Variants in SOX5 observed in about 807,000 individuals in gnomAD.
The protein encoded by SOX5 is transcription factor SOX-5.
In SOX5, 9 loss-of-function variants were observed where a neutral mutation model predicts 92.0. That is an observed-to-expected ratio of 0.10 (90% CI 0.06 to 0.17). The LOEUF is 0.17. Among genes scored for constraint, SOX5 ranks in the 10% least tolerant of loss-of-function variants. The pLI, the probability that SOX5 is intolerant of heterozygous loss-of-function variation, is 1.00. For synonymous variants in SOX5, 344 were observed against 336.3 expected, an observed-to-expected ratio of 1.02 and a Z score of -0.25; for missense variants, 642 against 944.5, an observed-to-expected ratio of 0.68 and a Z score of 4.20.
intron 2 of SOX5, among the ~76,000 whole-genome samples, chr12:23,856,089 C>G (rs1274705604): frequency 2.6e-5 from 4 of 152,094 alleles, no homozygotes; most frequent in Admixed American, 2.6e-4. Context: ...TCCACAGACT[C>G]TTACAAAATT....
chr12:23,978,273 T>C (rs977508568), intron 4 of SOX5, among the ~76,000 whole-genome samples: 1 of 152,248 alleles, frequency 6.6e-6, no homozygotes, highest in Non-Finnish European at 1.5e-5. Flanking sequence ...TCAACACTTA[T>C]GTCTTCATCT....
At chr12:24,542,611 T>C (rs192901017) in intron 1 of SOX5, among the ~76,000 whole-genome samples, 1 of 152,318 alleles carries the variant, frequency 6.6e-6, no homozygotes, top group Non-Finnish European at 1.5e-5. Context: ...ACCACTTTAA[T>C]TGTCTGCTTC....
intron 3 of SOX5, among the ~76,000 whole-genome samples, chr12:23,780,544 A>G (rs1018089540): frequency 6.6e-6 from 1 of 152,078 alleles, no homozygotes; most frequent in African/African-American, 2.4e-5. Context: ...GAAACGTATC[A>G]GGGCTAAAAT....
At chr12:24,442,015 G>A (rs964588989) in intron 1 of SOX5, among the ~76,000 whole-genome samples, 2 of 152,168 alleles carry the variant, frequency 1.3e-5, no homozygotes, top group Non-Finnish European at 2.9e-5. Flanking sequence ...AAACACGTAA[G>A]TCTAAACAAG....
chr12:24,298,877 G>A (rs1947624322), intron 2 of SOX5, among the ~76,000 whole-genome samples: 1 of 151,022 alleles, frequency 6.6e-6, no homozygotes, highest in Non-Finnish European at 1.5e-5. Context: ...CCAGGAGTGA[G>A]AAAGTTAACC....
intron 3 of SOX5, among the ~76,000 whole-genome samples, chr12:23,788,522 G>A (rs1475302002): frequency 6.6e-6 from 1 of 151,688 alleles, no homozygotes; most frequent in Admixed American, 6.6e-5. Flanking sequence ...ACGAGGTAAT[G>A]TCAAAGCACG....
intron 8 of SOX5, among the ~76,000 whole-genome samples, chr12:23,635,650 T>C (rs955772429): frequency 1.3e-5 from 2 of 152,082 alleles, no homozygotes; most frequent in Non-Finnish European, 2.9e-5. Context: ...TGTGCACATG[T>C]ACCCTAGAAC....
At chr12:24,263,460 G>A (rs552933745) in intron 3 of SOX5, among the ~76,000 whole-genome samples, 9 of 140,046 alleles carry the variant, frequency 6.4e-5, no homozygotes, top group Admixed American at 3.1e-4. Flanking sequence ...CCCAGAGGGC[G>A]GAGCTTGCAG....
intron 2 of SOX5, among the ~76,000 whole-genome samples, chr12:24,336,558 C>G (rs879696628): frequency 2.6e-5 from 4 of 152,144 alleles, no homozygotes; most frequent in Non-Finnish European, 4.4e-5. Flanking sequence ...CATGAAGACT[C>G]AAGCATATCA....
At chr12:23,779,494 GGTTA>G (rs2095212961) in intron 3 of SOX5, among the ~76,000 whole-genome samples, 1 of 150,684 alleles carries the variant, frequency 6.6e-6, no homozygotes. Context: ...AACCAATCAT[GGTTA>G]GTTTTTTACC....
intron 3 of SOX5, among the ~76,000 whole-genome samples, chr12:24,259,440 CT>C (rs1941763231): frequency 6.6e-6 from 1 of 152,172 alleles, no homozygotes; most frequent in African/African-American, 2.4e-5. Flanking sequence ...CATACGTAGA[CT>C]GTGCTATGTA....
chr12:24,041,671 T>G (rs1288141275), intron 4 of SOX5, among the ~76,000 whole-genome samples: 1 of 152,074 alleles, frequency 6.6e-6, no homozygotes, highest in Non-Finnish European at 1.5e-5. Flanking sequence ...GAACAAAATA[T>G]TCAAAGATCC....
intron 4 of SOX5, among the ~76,000 whole-genome samples, chr12:24,133,755 GC>G (rs1446012615): frequency 2.0e-5 from 3 of 152,156 alleles, no homozygotes; most frequent in Non-Finnish European, 4.4e-5. Flanking sequence ...ACAGCTCCTG[GC>G]CCTCTCGGGT....
chr12:23,777,153 A>G (rs2095129569), intron 3 of SOX5, among the ~76,000 whole-genome samples: 1 of 152,206 alleles, frequency 6.6e-6, no homozygotes. Context: ...ACACTCTTAG[A>G]GATCCTCTTT....
At chr12:24,330,566 A>T (rs1298081986) in intron 2 of SOX5, among the ~76,000 whole-genome samples, 1 of 152,228 alleles carries the variant, frequency 6.6e-6, no homozygotes, top group Non-Finnish European at 1.5e-5. Context: ...GATATCCTGT[A>T]TTAGCTTCAC....
At chr12:24,066,630 A>G (rs570464098) in intron 4 of SOX5, among the ~76,000 whole-genome samples, 37 of 148,272 alleles carry the variant, frequency 2.5e-4, no homozygotes, top group African/African-American at 9.8e-4. Context: ...GCAGAGTAGA[A>G]AAAAAGTTCT....
intron 2 of SOX5, among the ~76,000 whole-genome samples, chr12:24,350,053 G>A (rs1482994095): frequency 6.6e-6 from 1 of 152,216 alleles, no homozygotes. Flanking sequence ...AGGAGATTGA[G>A]AAACCAATCT....
At chr12:24,106,620 C>T (rs527245767) in intron 4 of SOX5, among the ~76,000 whole-genome samples, 9 of 151,800 alleles carry the variant, frequency 5.9e-5, no homozygotes, top group African/African-American at 1.9e-4. Flanking sequence ...GTGAAACCCC[C>T]GTCTCTATTA....
intron 4 of SOX5, among the ~76,000 whole-genome samples, chr12:24,127,390 C>CAAT (rs1365554851): frequency 1.6e-5 from 2 of 123,780 alleles, no homozygotes; most frequent in East Asian, 2.4e-4. Flanking sequence ...GACCCTATCT[C>CAAT]AATAATAATA....
Sources: gnomAD v4.1 joint callset for allele counts (sites outside exome capture counted in the v4.1 genomes callset) on GRCh38, gnomAD v4.1.1 for gene constraint, MANE v1.5 for transcripts, NCBI Gene and HGNC (gene_info 2026-07-23, HGNC 2026-07-21) for gene names.